The following SHD variants were observed in gnomAD, a reference collection of about 807,000 sequenced individuals.
SHD encodes SH2 domain-containing adapter protein D.
SHD carries 29 observed loss-of-function variants against 31.2 expected under a neutral mutation model. That is an observed-to-expected ratio of 0.93 (90% CI 0.69 to 1.27). The LOEUF (loss-of-function observed/expected upper bound fraction) is 1.27, where lower values mean the gene tolerates loss of function less well. SHD is among the 50% of genes most tolerant of loss of function. The pLI is 0.00. For missense variants in SHD, 520 were observed against 453.8 expected, an observed-to-expected ratio of 1.15 and a Z score of -1.33; for synonymous variants, 208 against 187.8, an observed-to-expected ratio of 1.11 and a Z score of -0.88.
chr19:4,285,002 CTGGGG>C, intron 4 of SHD, 98 bp downstream of exon 4: 1 of 1,311,012 alleles, frequency 7.6e-7, no homozygotes, highest in Admixed American at 2.8e-5. Context: ...ATTAGAGGAA[CTGGGG>C]GAACTTCGAT....
chr19:4,279,790 G>A lies in SHD; in HGVS notation c.-274G>A. On this transcript the variant is annotated 5_prime_UTR_variant, in exon 1 of 6. Coordinates refer to ENST00000543264, the MANE Select transcript of SHD (RefSeq NM_020209.4). The surrounding 1 kb of genome is among the most constrained non-coding windows in gnomAD (Gnocchi z 7.5). ...CCCAGCGCGCGGGGTTCGGGGCCCT[G>A]CGAGGTCCCCCCTTCCCCCGCGGTG... 2.1e-6 allele frequency: 1 copy of A among 484,026 alleles called. No individual in the cohort carries two copies. The highest frequency in any genetic ancestry group is 3.6e-5 in the East Asian group (1 of 28,016). The allele number at this position is 484,026 out of a possible 1,614,324, so 30.0% of individuals were successfully genotyped here. A position where few individuals can be genotyped will look rare whatever the true frequency, so the allele number is the denominator to read the frequency against.
rs932397386 is a variant in SHD, at chr19:4,279,830, C to G, written c.-234C>G. 1.0e-5 allele frequency: 6 copies of G among 574,206 alleles called. No individual in the cohort carries two copies. The highest frequency in any genetic ancestry group is 1.8e-5 in the Non-Finnish European group (6 of 331,486). 35.6% of individuals were successfully genotyped at this position (574,206 alleles called of 1,614,324 possible). A position where few individuals can be genotyped will look rare whatever the true frequency, so the allele number is the denominator to read the frequency against. On this transcript the variant is annotated 5_prime_UTR_variant, in exon 1 of 6. Transcript: ENST00000543264. This position sits in a 1 kb window ranked among gnomAD's most constrained non-coding sequence, Gnocchi z 7.5. Reference sequence around the variant, plus strand: ...CCCCCGCGGTGCTTCCCAAGCTGGGCTAAGGCGGGCTTCTCTTCCTCCCTC... The same window carrying G: ...CCCCCGCGGTGCTTCCCAAGCTGGGGTAAGGCGGGCTTCTCTTCCTCCCTC...
intron 5 of SHD, 84 bp downstream of exon 5, chr19:4,288,446 T>A: frequency 7.0e-7 from 1 of 1,429,012 alleles, no homozygotes; most frequent in Non-Finnish European, 9.4e-7. Flanking sequence ...AAGGGGAGGG[T>A]GTGGCTCCCG....
At chr19:4,286,419 A>T (rs370203326) in intron 4 of SHD, among the ~76,000 whole-genome samples, 27 of 150,504 alleles carry the variant, frequency 1.8e-4, no homozygotes, top group African/African-American at 6.6e-4. Flanking sequence ...CAATCAGCTC[A>T]CTGTACCCCT....
At chr19:4,288,841 A>G (rs1247548398) in intron 5 of SHD, among the ~76,000 whole-genome samples, 1 of 152,118 alleles carries the variant, frequency 6.6e-6, no homozygotes, top group African/African-American at 2.4e-5. Flanking sequence ...AAGATCTAAA[A>G]GCACGAGATT....
chr19:4,284,717 G>A, intron 3 of SHD, 64 bp from the exon 4 acceptor site: 1 of 1,386,824 alleles, frequency 7.2e-7, no homozygotes, highest in Non-Finnish European at 9.5e-7. Context: ...CCATTGGCTT[G>A]CCCCTGCCCC....
At chr19:4,289,898 C>T (rs1156945689) in intron 5 of SHD, among the ~76,000 whole-genome samples, 2 of 148,542 alleles carry the variant, frequency 1.3e-5, no homozygotes, top group Admixed American at 6.8e-5. Context: ...TATTTTGAGA[C>T]AGAGTCTCAC....
At chr19:4,280,511 G>C (rs540779089) in intron 1 of SHD, 151 bp downstream of exon 1, 2 of 822,470 alleles carry the variant, frequency 2.4e-6, no homozygotes, top group Non-Finnish European at 3.7e-6. Flanking sequence ...CCACCTGCTT[G>C]GGGAAGTCTG....
intron 3 of SHD, among the ~76,000 whole-genome samples, chr19:4,283,718 A>G (rs945477427): frequency 8.6e-5 from 13 of 151,798 alleles, no homozygotes; most frequent in Non-Finnish European, 1.6e-4. Flanking sequence ...AGCTGGGACT[A>G]CAGGCGCCCG....
intron 1 of SHD, among the ~76,000 whole-genome samples, chr19:4,281,970 T>C (rs968209403): frequency 6.6e-6 from 1 of 152,142 alleles, no homozygotes; most frequent in Non-Finnish European, 1.5e-5. Flanking sequence ...AGGTAAATCC[T>C]TGACAATAGT....
intron 3 of SHD, among the ~76,000 whole-genome samples, chr19:4,283,865 A>C (rs1599512729): frequency 1.3e-5 from 2 of 150,412 alleles, no homozygotes. Flanking sequence ...GGCAGGAGCC[A>C]CCGCGCCCCC....
upstream of SHD, chr19:4,279,133 G>GC (rs1301895792): frequency 1.3e-5 from 2 of 152,098 alleles, no homozygotes; most frequent in East Asian, 3.9e-4. This position sits in a 1 kb window ranked among gnomAD's most constrained non-coding sequence, Gnocchi z 7.5. Context: ...CCCGCCCCCA[G>GC]CCCCCCTTCC....
intron 4 of SHD, among the ~76,000 whole-genome samples, chr19:4,285,479 C>T (rs1322452996): frequency 1.3e-5 from 2 of 152,108 alleles, no homozygotes; most frequent in African/African-American, 2.4e-5. Flanking sequence ...AAAATCTCTT[C>T]GGTGGGCAAT....
At position 4,280,130 on chromosome 19, in the gene SHD, C is replaced by A; in HGVS notation, c.67C>A (p.Pro23Thr). The change falls in exon 1 of 6, where the codon CCG becomes ACG. Residue 23 changes from proline (P) to threonine (T), a missense_variant. Physicochemically the swap from Pro to Thr is conservative, Grantham distance 38. Coordinates refer to ENST00000543264, the MANE Select transcript of SHD (RefSeq NM_020209.4). ...GAGGCCCCCTCCGCAGCCGCCCACCCCGGACTACACCGAGAGCGACATCCT... is the reference window on the plus strand; with the variant it reads ...GAGGCCCCCTCCGCAGCCGCCCACCACGGACTACACCGAGAGCGACATCCT... ...GRRPPPQPPT[P>T]DYTESDILRA... 6.2e-7 allele frequency: 1 copy of A among 1,612,480 alleles called. No individual in the cohort carries two copies. Among genetic ancestry groups the A allele is most frequent in the South Asian group, 1.1e-5 (1 of 90,958 alleles).
chr19:4,284,950 G>C (rs1420670107), intron 4 of SHD, 46 bp downstream of exon 4: 2 of 1,495,618 alleles, frequency 1.3e-6, no homozygotes, highest in Non-Finnish European at 1.8e-6. Flanking sequence ...GAACGTATCT[G>C]TAGACTCCAA....
intron 5 of SHD, among the ~76,000 whole-genome samples, chr19:4,290,241 T>C (rs572481667): frequency 6.6e-6 from 1 of 152,248 alleles, no homozygotes; most frequent in Non-Finnish European, 1.5e-5. Context: ...CTCTAACGCC[T>C]GGCCTGGAGT....
intron 4 of SHD, among the ~76,000 whole-genome samples, chr19:4,285,854 CCTTCTCTTCT>C (rs981783537): frequency 1.4e-5 from 2 of 147,946 alleles, no homozygotes; most frequent in African/African-American, 5.0e-5. Flanking sequence ...GGCCCTTCCT[CCTTCTCTTCT>C]CTTCTCTTTC....
At position 4,282,880 on chromosome 19, in the gene SHD, A is replaced by G; in HGVS notation, c.308A>G (p.Asp103Gly). 6.2e-7 allele frequency: 1 copy of G among 1,613,972 alleles called. No homozygotes were observed. The change falls in exon 2 of 6, where the codon GAC becomes GGC. Residue 103 changes from aspartate to glycine, a missense_variant. Coordinates refer to ENST00000543264, the MANE Select transcript of SHD (RefSeq NM_020209.4). ...LGGPGEELEA[D>G]TEYLDPFDAQ... ...TCCTTCTCTCCGCAGCTGGAAGCCG[A>G]CACTGAGTATTTAGACCCCTTTGAT... is the stretch of plus-strand genomic sequence containing the variant.
chr19:4,289,814 G>A (rs954649692), intron 5 of SHD, among the ~76,000 whole-genome samples: 34 of 151,508 alleles, frequency 2.2e-4, no homozygotes, highest in Non-Finnish European at 4.3e-4. Context: ...CTCGTGATCC[G>A]CCTGCCTTGG....
Sources: allele counts gnomAD v4.1 joint callset (sites outside exome capture counted in the v4.1 genomes callset), GRCh38; gene constraint gnomAD v4.1.1; non-coding constraint Gnocchi (gnomAD v3.1); transcripts MANE v1.5; gene names NCBI Gene and HGNC (gene_info 2026-07-23, HGNC 2026-07-21).